ARHGAP24: variants seen among roughly 807,000 people sequenced by gnomAD.
The protein encoded by ARHGAP24 is Rho GTPase activating protein 24.
In ARHGAP24, 50 loss-of-function variants were observed where a neutral mutation model predicts 76.4. The ratio of observed to expected loss-of-function variants is 0.65; its 90% CI spans 0.52 to 0.83. The LOEUF is 0.83. ARHGAP24 is among the 40% of genes least tolerant of loss of function. The probability of loss-of-function intolerance (pLI) is 0.00; values close to 1 mark genes in which losing one functional copy is unlikely to be tolerated. For missense variants in ARHGAP24, 930 were observed against 914.2 expected, an observed-to-expected ratio of 1.02 and a Z score of -0.22; for synonymous variants, 345 against 323.3, an observed-to-expected ratio of 1.07 and a Z score of -0.72.
At chr4:85,563,724 T>C (rs1479760780) in intron 1 of ARHGAP24, among the ~76,000 whole-genome samples, 5 of 152,166 alleles carry the variant, frequency 3.3e-5, no homozygotes, top group African/African-American at 1.2e-4. Context: ...ATTCATTGCA[T>C]CCAGGGAAAA....
chr4:85,782,989 A>G (rs1259442119), intron 3 of ARHGAP24, among the ~76,000 whole-genome samples: 1 of 152,212 alleles, frequency 6.6e-6, no homozygotes, highest in African/African-American at 2.4e-5. Flanking sequence ...TTTGTTACTT[A>G]GTATACTGCT....
At chr4:85,929,052 T>G (rs1288969689) in intron 4 of ARHGAP24, among the ~76,000 whole-genome samples, 1 of 152,120 alleles carries the variant, frequency 6.6e-6, no homozygotes, top group African/African-American at 2.4e-5. Context: ...ATAAGAAAAT[T>G]AGAAGAAAAA....
At chr4:85,947,359 T>C (rs1258216452) in intron 5 of ARHGAP24, among the ~76,000 whole-genome samples, 1 of 152,158 alleles carries the variant, frequency 6.6e-6, no homozygotes, top group Admixed American at 6.6e-5. Context: ...TGTCAATTTT[T>C]GTTTTTGTTG....
chr4:85,622,921 T>C (rs1720776707), intron 2 of ARHGAP24, among the ~76,000 whole-genome samples: 2 of 152,140 alleles, frequency 1.3e-5, no homozygotes, highest in South Asian at 2.1e-4. Flanking sequence ...GTTCATATCC[T>C]TTGCCCACTT....
At chr4:85,808,259 G>C (rs1168881424) in intron 3 of ARHGAP24, among the ~76,000 whole-genome samples, 1 of 152,158 alleles carries the variant, frequency 6.6e-6, no homozygotes, top group Non-Finnish European at 1.5e-5. Context: ...GGCATTTTCA[G>C]ACCTTGGCAT....
At chr4:85,859,100 T>C (rs1252176803) in intron 3 of ARHGAP24, among the ~76,000 whole-genome samples, 1 of 152,058 alleles carries the variant, frequency 6.6e-6, no homozygotes, top group Non-Finnish European at 1.5e-5. Flanking sequence ...TAAAACATGG[T>C]TTGACCTGGG....
Position 85,995,157 on chromosome 4 carries a change from G to A in ARHGAP24, c.1503G>A (p.Met501Ile), listed in dbSNP as rs772476272. The stretch of plus-strand genomic sequence containing the variant: ...GGAACCCCACAAATGTTCGAAACAT[G>A]AGCTGGCTGCCAAATGGCTATGTGA... Reference protein sequence around the residue: ...TLGNPTNVRNMSWLPNGYVTL... With the variant: ...TLGNPTNVRNISWLPNGYVTL... Residue 501 changes from methionine (M) to isoleucine (I), a missense_variant, in exon 9 of 10, where the codon ATG becomes ATA. Coordinates refer to ENST00000395184, the MANE Select transcript of ARHGAP24 (RefSeq NM_001025616.3). The A allele has an allele frequency of 6.2e-7, 1 of 1,614,026 alleles. No individual in the cohort carries two copies. The highest frequency in any genetic ancestry group is 8.5e-7 in the Non-Finnish European group (1 of 1,180,022).
At chr4:85,730,832 TA>T (rs1256046384) in intron 3 of ARHGAP24, among the ~76,000 whole-genome samples, 1 of 152,114 alleles carries the variant, frequency 6.6e-6, no homozygotes, top group East Asian at 1.9e-4. Context: ...ACCCATTTAT[TA>T]ACATCTCCCT....
At chr4:85,689,673 GCC>G (rs1723557925) in intron 2 of ARHGAP24, among the ~76,000 whole-genome samples, 1 of 152,136 alleles carries the variant, frequency 6.6e-6, no homozygotes, top group Non-Finnish European at 1.5e-5. Context: ...ACAGACGTGA[GCC>G]AGCATGCCCA....
chr4:85,787,567 C>CA (rs755965244), intron 3 of ARHGAP24, among the ~76,000 whole-genome samples: 1 of 151,908 alleles, frequency 6.6e-6, no homozygotes, highest in Non-Finnish European at 1.5e-5. Flanking sequence ...TTTTGAGTTT[C>CA]AAAAAAATCT....
At chr4:85,573,507 C>G (rs1296144051) in intron 2 of ARHGAP24, among the ~76,000 whole-genome samples, 3 of 152,036 alleles carry the variant, frequency 2.0e-5, no homozygotes, top group Non-Finnish European at 4.4e-5. Context: ...GGGCCAGGAC[C>G]AAGGCACCAT....
chr4:85,732,989 C>T (rs1366465268), intron 3 of ARHGAP24, among the ~76,000 whole-genome samples: 10 of 148,326 alleles, frequency 6.7e-5, no homozygotes, highest in South Asian at 2.1e-4. Context: ...TGAGCCACCG[C>T]GCCCGACCTC....
chr4:85,924,614 T>A (rs919826740), intron 4 of ARHGAP24: 1 of 151,640 alleles, frequency 6.6e-6, no homozygotes, highest in African/African-American at 2.4e-5. Context: ...CATTCTTTTG[T>A]ATATTGTCAA....
chr4:85,726,988 G>C (rs113756097), intron 3 of ARHGAP24, among the ~76,000 whole-genome samples: 5,191 of 152,100 alleles, frequency 0.034, 271 homozygotes, highest in African/African-American at 0.12. Context: ...GATCCAAGGT[G>C]GGGGGATCCT....
At chr4:85,551,520 G>A (rs1263102177) in intron 1 of ARHGAP24, among the ~76,000 whole-genome samples, 3 of 152,084 alleles carry the variant, frequency 2.0e-5, no homozygotes, top group East Asian at 1.9e-4. Flanking sequence ...TGTCTCCTGG[G>A]TTTTGGTATC....
At chr4:85,491,306 TAAG>T (rs1723347850) in intron 1 of ARHGAP24, among the ~76,000 whole-genome samples, 1 of 152,196 alleles carries the variant, frequency 6.6e-6, no homozygotes, top group African/African-American at 2.4e-5. Flanking sequence ...AGTAAGCCCT[TAAG>T]AAAAATAACA....
At chr4:85,530,374 G>C (rs992566496) in intron 1 of ARHGAP24, among the ~76,000 whole-genome samples, 1 of 151,870 alleles carries the variant, frequency 6.6e-6, no homozygotes, top group Non-Finnish European at 1.5e-5. Context: ...GGTCTTGACT[G>C]TTTCACTGCG....
intron 1 of ARHGAP24, among the ~76,000 whole-genome samples, chr4:85,515,757 C>T (rs897192668): frequency 5.3e-5 from 8 of 152,134 alleles, no homozygotes; most frequent in African/African-American, 1.9e-4. Context: ...TAATCATGAA[C>T]ATATGTTGTT....
At chr4:85,997,266 ATAGGTAGGTAGGTAAATAGG>A (rs1271670892) in intron 9 of ARHGAP24, among the ~76,000 whole-genome samples, 1 of 151,932 alleles carries the variant, frequency 6.6e-6, no homozygotes, top group East Asian at 1.9e-4. Context: ...GGATGGATAG[ATAGGTAGGTAGGTAAATAGG>A]TAGGTAGGTA....
Sources: allele counts gnomAD v4.1 joint callset (sites outside exome capture counted in the v4.1 genomes callset), GRCh38; gene constraint gnomAD v4.1.1; transcripts MANE v1.5; gene names NCBI Gene and HGNC (gene_info 2026-07-23, HGNC 2026-07-21).